ZNF469: variants seen among roughly 807,000 people sequenced by gnomAD.
ZNF469 encodes the protein zinc finger protein 469.
ZNF469 carries 1 observed loss-of-function variant against 1.0 expected under a neutral mutation model. That is an observed-to-expected ratio of 1.00 (90% CI 0.35 to 4.73). ZNF469 has a LOEUF of 4.73. Ranked by LOEUF, ZNF469 falls within the 30% of genes most tolerant of loss-of-function variation. The pLI, the probability that ZNF469 is intolerant of heterozygous loss-of-function variation, is 0.16. For synonymous variants in ZNF469, 2,703 were observed against 2,363.4 expected, an observed-to-expected ratio of 1.14 and a Z score of -4.17; for missense variants, 6,100 against 5,356.3, an observed-to-expected ratio of 1.14 and a Z score of -4.33.
At chr16:88,280,128 A>C in the ZNF469 span, among the ~76,000 whole-genome samples, 1 of 151,634 alleles carries the variant, frequency 6.6e-6, no homozygotes, top group African/African-American at 2.4e-5. Context: ...TGCCATGCTG[A>C]CGCTCGGTCA....
the ZNF469 span, among the ~76,000 whole-genome samples, chr16:88,336,737 C>A: frequency 6.6e-6 from 1 of 152,266 alleles, no homozygotes; most frequent in Non-Finnish European, 1.5e-5. Flanking sequence ...CACGCAGACT[C>A]ATCCTTCACA....
the ZNF469 span, among the ~76,000 whole-genome samples, chr16:88,244,508 C>T: frequency 7.3e-6 from 1 of 136,824 alleles, no homozygotes; most frequent in African/African-American, 2.9e-5. Context: ...TGCATGTATT[C>T]GTGGATGGAT....
the ZNF469 span, among the ~76,000 whole-genome samples, chr16:88,299,628 C>T: frequency 6.6e-6 from 1 of 152,296 alleles, no homozygotes; most frequent in Non-Finnish European, 1.5e-5. Flanking sequence ...TGTTCTGGGG[C>T]GGTGGCTGGG....
At chr16:88,384,037 CG>C (rs560451868) in intron 1 of ZNF469, among the ~76,000 whole-genome samples, 3 of 152,066 alleles carry the variant, frequency 2.0e-5, no homozygotes, top group South Asian at 2.1e-4. Context: ...CCGGCGGGGG[CG>C]GGGGGGCAGC....
At chr16:88,373,078 G>A in the ZNF469 span, among the ~76,000 whole-genome samples, 2 of 152,328 alleles carry the variant, frequency 1.3e-5, no homozygotes, top group Admixed American at 6.5e-5. Context: ...CTTGGTACCA[G>A]GCACTCTTTT....
chr16:88,309,025 T>G, the ZNF469 span, among the ~76,000 whole-genome samples: 1 of 152,038 alleles, frequency 6.6e-6, no homozygotes, highest in African/African-American at 2.4e-5. Flanking sequence ...TTCCTTCCTT[T>G]CCTCTCCCCT....
upstream of ZNF469, among the ~76,000 whole-genome samples, chr16:88,378,980 A>G (rs963061345): frequency 2.0e-5 from 3 of 152,230 alleles, no homozygotes; most frequent in Non-Finnish European, 4.4e-5. Flanking sequence ...CATGGTTGTC[A>G]GGATGGACGG....
chr16:88,196,804 C>T, the ZNF469 span, among the ~76,000 whole-genome samples: 2 of 152,164 alleles, frequency 1.3e-5, no homozygotes, highest in Non-Finnish European at 2.9e-5. Context: ...GAGCAGGAGC[C>T]GGAGACTGAG....
At chr16:88,260,669 A>C in the ZNF469 span, among the ~76,000 whole-genome samples, 1 of 152,180 alleles carries the variant, frequency 6.6e-6, no homozygotes, top group Non-Finnish European at 1.5e-5. This position sits in a 1 kb window ranked among gnomAD's most constrained non-coding sequence, Gnocchi z 4.1. Flanking sequence ...AAATGCCGTC[A>C]TTTCTTTTCT....
the ZNF469 span, among the ~76,000 whole-genome samples, chr16:88,162,016 T>G: frequency 7.2e-5 from 11 of 152,230 alleles, no homozygotes; most frequent in Admixed American, 1.3e-4. Context: ...GAGACAACTT[T>G]TTGGAAGAGT....
the ZNF469 span, among the ~76,000 whole-genome samples, chr16:88,245,158 T>C: frequency 6.6e-6 from 1 of 152,192 alleles, no homozygotes; most frequent in Non-Finnish European, 1.5e-5. Flanking sequence ...GGGTGTGTTC[T>C]GAGGGGATCA....
chr16:88,359,915 A>G, the ZNF469 span, among the ~76,000 whole-genome samples: 1 of 152,234 alleles, frequency 6.6e-6, no homozygotes, highest in Admixed American at 6.5e-5. Flanking sequence ...TTTTTGATGC[A>G]TTTCAAAGTA....
At position 88,406,519 on chromosome 16, in the gene ZNF469, A is replaced by G. The variant is rs537641548; in HGVS notation, c.-191-18288A>G. On this transcript the variant is annotated intron_variant, in intron 1 of 2. Transcript: ENST00000565624. Reference sequence around the variant, plus strand: ...GCCTGCAGCTCAGCAGAGGATCTCCAGGTTATCGGAAGGACCCGTGCTTTG... The same window carrying G: ...GCCTGCAGCTCAGCAGAGGATCTCCGGGTTATCGGAAGGACCCGTGCTTTG... Among the ~76,000 whole-genome samples the G allele has an allele frequency of 2.0e-5, 3 of 152,278 alleles. No individual in the cohort carries two copies. The East Asian group carries it at 5.8e-4, about 29-fold the overall frequency.
the ZNF469 span, among the ~76,000 whole-genome samples, chr16:88,223,951 G>GC: frequency 6.6e-6 from 1 of 152,264 alleles, no homozygotes; most frequent in African/African-American, 2.4e-5. Flanking sequence ...GAATGAACGA[G>GC]CGGAGGAATG....
the ZNF469 span, among the ~76,000 whole-genome samples, chr16:88,366,720 C>T: frequency 2.0e-5 from 3 of 151,634 alleles, no homozygotes; most frequent in African/African-American, 7.3e-5. Flanking sequence ...TCATCATCAC[C>T]ATCATCACAT....
At chr16:88,252,120 C>G in the ZNF469 span, among the ~76,000 whole-genome samples, 1 of 142,130 alleles carries the variant, frequency 7.0e-6, no homozygotes, top group Non-Finnish European at 1.6e-5. Context: ...CTGGGGCATG[C>G]ACTCATTTAA....
intron 1 of ZNF469, among the ~76,000 whole-genome samples, chr16:88,421,378 T>C (rs149423077): frequency 5.5e-4 from 83 of 152,114 alleles, no homozygotes; most frequent in African/African-American, 1.9e-3. Context: ...TCTCCCGACT[T>C]CAAAGGGGTC....
chr16:88,356,670 C>A, the ZNF469 span, among the ~76,000 whole-genome samples: 2 of 152,054 alleles, frequency 1.3e-5, no homozygotes, highest in Admixed American at 6.5e-5. Context: ...AGGCCAGATA[C>A]ATGAACAAGG....
chr16:88,421,634 C>T (rs1905460850), intron 1 of ZNF469, among the ~76,000 whole-genome samples: 1 of 152,170 alleles, frequency 6.6e-6, no homozygotes, highest in African/African-American at 2.4e-5. Flanking sequence ...CCAAGTTCTG[C>T]CCGCAAGCTG....
Sources: gnomAD v4.1 joint callset for allele counts (sites outside exome capture counted in the v4.1 genomes callset) on GRCh38, gnomAD v4.1.1 for gene constraint, Gnocchi (gnomAD v3.1) non-coding constraint, MANE v1.5 for transcripts, NCBI Gene and HGNC (gene_info 2026-07-23, HGNC 2026-07-21) for gene names.